The following RERG variants were observed in gnomAD, a reference collection of about 807,000 sequenced individuals.
RERG encodes the protein ras-related and estrogen-regulated growth inhibitor.
In RERG, 25 loss-of-function variants were observed where a neutral mutation model predicts 23.2. The observed-to-expected ratio is 1.08, with a 90% confidence interval of 0.79 to 1.50. RERG has a LOEUF of 1.50. RERG is among the 40% of genes most tolerant of loss of function. RERG has a pLI of 0.00. For synonymous variants in RERG, 81 were observed against 89.1 expected, an observed-to-expected ratio of 0.91 and a Z score of 0.51; for missense variants, 253 against 250.1, an observed-to-expected ratio of 1.01 and a Z score of -0.08.
intron 2 of RERG, among the ~76,000 whole-genome samples, chr12:15,195,565 G>GTA (rs1357550991): frequency 8.3e-6 from 1 of 120,306 alleles, no homozygotes; most frequent in African/African-American, 3.2e-5. Context: ...GTGTGTGTGT[G>GTA]TGTGTGTGTG....
intron 2 of RERG, among the ~76,000 whole-genome samples, chr12:15,183,691 C>T (rs1467798130): frequency 6.6e-6 from 1 of 151,944 alleles, no homozygotes; most frequent in Middle Eastern, 3.2e-3. Context: ...ATAAATGATC[C>T]CCATATATTA....
intron 2 of RERG, among the ~76,000 whole-genome samples, chr12:15,166,019 C>G (rs572268087): frequency 6.6e-6 from 1 of 152,318 alleles, no homozygotes; most frequent in East Asian, 1.9e-4. Context: ...TATGTATAAT[C>G]ATTATCACTA....
At chr12:15,210,158 C>T (rs940526558) in intron 2 of RERG, among the ~76,000 whole-genome samples, 1 of 152,040 alleles carries the variant, frequency 6.6e-6, no homozygotes, top group African/African-American at 2.4e-5. Context: ...TTCCCCAAAC[C>T]CATAAGTTGG....
chr12:15,210,769 C>T (rs1175553222), intron 2 of RERG, among the ~76,000 whole-genome samples: 1 of 152,102 alleles, frequency 6.6e-6, no homozygotes, highest in Non-Finnish European at 1.5e-5. Context: ...AAACAAATTA[C>T]AATGGACTCA....
chr12:15,161,009 C>T (rs1439010118), intron 2 of RERG, among the ~76,000 whole-genome samples: 2 of 151,996 alleles, frequency 1.3e-5, no homozygotes, highest in Non-Finnish European at 2.9e-5. Context: ...GCGGCACATG[C>T]TTGTAGTCAC....
chr12:15,131,485 C>T (rs1459522921), intron 2 of RERG, among the ~76,000 whole-genome samples: 2 of 152,008 alleles, frequency 1.3e-5, no homozygotes, highest in Admixed American at 6.6e-5. Flanking sequence ...TTTAGATTTT[C>T]AATTTTTACT....
chr12:15,207,097 T>C lies in RERG; in HGVS notation c.61+10332A>G, dbSNP rs145148031. Among the ~76,000 whole-genome samples the C allele has an allele frequency of 4.7e-4, 71 of 152,278 alleles. 1 individual carries two copies. Among genetic ancestry groups the C allele is most frequent in the African/African-American group, 1.6e-3 (66 of 41,574 alleles). On this transcript the variant is annotated intron_variant, in intron 2 of 4. Coordinates refer to ENST00000256953, the MANE Select transcript of RERG (RefSeq NM_032918.3). Reference sequence around the variant, plus strand: ...AAGACCTATGCTTTTGTTAACCAGTTGTAAGTTACCCAAAAAGTGACATAA... The same window carrying C: ...AAGACCTATGCTTTTGTTAACCAGTCGTAAGTTACCCAAAAAGTGACATAA...
intron 2 of RERG, among the ~76,000 whole-genome samples, chr12:15,166,538 G>T (rs957792845): frequency 1.3e-5 from 2 of 151,172 alleles, no homozygotes; most frequent in Admixed American, 6.6e-5. Context: ...GGTGGTGGTG[G>T]TGGTAGTGGT....
At chr12:15,217,243 G>A in intron 2 of RERG, 186 bp downstream of exon 2, 1 of 549,358 alleles carries the variant, frequency 1.8e-6, no homozygotes, top group African/African-American at 1.9e-5. Context: ...GCATAAATAA[G>A]CAAAAGGATA....
chr12:15,124,834 A>AT lies in RERG; in HGVS notation c.62-3716dup, dbSNP rs201239655. On this transcript the variant is annotated intron_variant, in intron 2 of 4. Coordinates refer to ENST00000256953, the MANE Select transcript of RERG (RefSeq NM_032918.3). ...AAAGTGTTTAAAATGGCCAGGACAG[A>AT]TTTTTTTTTGGTTAGGAAAAGAATT... is the stretch of plus-strand genomic sequence containing the variant. 1.5e-4 allele frequency among the ~76,000 whole-genome samples: 23 copies of AT among 151,382 alleles called. No individual in the cohort carries two copies. The South Asian group carries it at 4.4e-3, about 29-fold the overall frequency.
At chr12:15,189,678 T>C (rs1865041685) in intron 2 of RERG, among the ~76,000 whole-genome samples, 1 of 152,156 alleles carries the variant, frequency 6.6e-6, no homozygotes, top group Admixed American at 6.6e-5. Flanking sequence ...GACTTACATA[T>C]AGTAGGTGGT....
chr12:15,109,101 C>A lies in RERG; in HGVS notation c.*9G>T. ...TTTCCAATTAGTTGGTCCACCTCAG[C>A]TGGGCTGCCTAACTACTGATTTTGG... On this transcript the variant is annotated 3_prime_UTR_variant, in exon 5 of 5. Transcript: ENST00000256953. 1 of 1,565,442 alleles carries A rather than the reference C, an allele frequency of 6.4e-7. No individual in the cohort carries two copies. Among genetic ancestry groups the A allele is most frequent in the Non-Finnish European group, 8.7e-7 (1 of 1,155,940 alleles).
At chr12:15,203,023 T>C (rs1265807674) in intron 2 of RERG, among the ~76,000 whole-genome samples, 1 of 151,812 alleles carries the variant, frequency 6.6e-6, no homozygotes, top group African/African-American at 2.4e-5. Flanking sequence ...TATGAGGTGA[T>C]ATCTCATTGC....
At chr12:15,166,761 G>A (rs919950117) in intron 2 of RERG, among the ~76,000 whole-genome samples, 2 of 151,844 alleles carry the variant, frequency 1.3e-5, no homozygotes, top group African/African-American at 2.4e-5. Context: ...CCTGACAAAC[G>A]GATGGACTAG....
chr12:15,207,673 G>A (rs1349669443), intron 2 of RERG, among the ~76,000 whole-genome samples: 28 of 152,082 alleles, frequency 1.8e-4, no homozygotes, highest in Admixed American at 1.7e-3. Context: ...ATTGTAGAGC[G>A]AAAGAGAGAG....
At chr12:15,164,705 T>C (rs2136116736) in intron 2 of RERG, among the ~76,000 whole-genome samples, 1 of 152,358 alleles carries the variant, frequency 6.6e-6, no homozygotes, top group Middle Eastern at 3.4e-3. Flanking sequence ...GGATTACCCA[T>C]GGTCCACTAA....
At chr12:15,207,974 G>A (rs969382274) in intron 2 of RERG, among the ~76,000 whole-genome samples, 2 of 152,122 alleles carry the variant, frequency 1.3e-5, no homozygotes, top group Admixed American at 6.6e-5. Context: ...AGTATCCATT[G>A]ATTCAATCAA....
chr12:15,139,719 T>C (rs1010979285), intron 2 of RERG, among the ~76,000 whole-genome samples: 1 of 152,132 alleles, frequency 6.6e-6, no homozygotes, highest in African/African-American at 2.4e-5. Flanking sequence ...TTGTGCAAAT[T>C]TGGGGGGATT....
intron 2 of RERG, among the ~76,000 whole-genome samples, chr12:15,152,846 C>G (rs74068705): frequency 6.6e-6 from 1 of 151,926 alleles, no homozygotes; most frequent in Non-Finnish European, 1.5e-5. Flanking sequence ...AAAATGAATT[C>G]TTTCATCATA....
Sources: gnomAD v4.1 joint callset for allele counts (sites outside exome capture counted in the v4.1 genomes callset) on GRCh38, gnomAD v4.1.1 for gene constraint, MANE v1.5 for transcripts, NCBI Gene and HGNC (gene_info 2026-07-23, HGNC 2026-07-21) for gene names.